Variants in IRAK3 observed in about 807,000 individuals in gnomAD.
The protein encoded by IRAK3 is interleukin-1 receptor-associated kinase 3.
In IRAK3, 57 loss-of-function variants were observed where a neutral mutation model predicts 56.6. The observed-to-expected ratio is 1.01, with a 90% CI of 0.81 to 1.26. The LOEUF (loss-of-function observed/expected upper bound fraction) is 1.26. Ranked by LOEUF, IRAK3 falls within the 50% of genes most tolerant of loss-of-function variation. The pLI is 0.00. For synonymous variants in IRAK3, 258 were observed against 255.7 expected, an observed-to-expected ratio of 1.01 and a Z score of -0.09; for missense variants, 703 against 719.0, an observed-to-expected ratio of 0.98 and a Z score of 0.25.
At chr12:66,223,554 G>A (rs1006782922) in intron 6 of IRAK3, among the ~76,000 whole-genome samples, 3 of 150,810 alleles carry the variant, frequency 2.0e-5, no homozygotes, top group Non-Finnish European at 4.4e-5. Flanking sequence ...AGCTACTCGG[G>A]AGGCTGAGGC....
intron 8 of IRAK3, among the ~76,000 whole-genome samples, chr12:66,235,626 TATTATTA>T (rs1475862825): frequency 4.0e-5 from 6 of 149,360 alleles, no homozygotes; most frequent in Admixed American, 6.6e-5. Flanking sequence ...CGTCCTCCGA[TATTATTA>T]AGTTATGTTT....
intron 6 of IRAK3, among the ~76,000 whole-genome samples, chr12:66,226,502 A>G (rs199924929): frequency 1.4e-4 from 21 of 152,272 alleles, no homozygotes; most frequent in African/African-American, 5.1e-4. Flanking sequence ...TCTGCCTCCC[A>G]CATTGCTGGG....
intron 8 of IRAK3, among the ~76,000 whole-genome samples, chr12:66,230,856 C>T (rs148566137): frequency 3.3e-4 from 50 of 152,288 alleles, no homozygotes; most frequent in Middle Eastern, 3.4e-3. Context: ...TTTCTCTTAG[C>T]TCAGTGTCCC....
chr12:66,229,040 C>T (rs2052817723), intron 8 of IRAK3, among the ~76,000 whole-genome samples: 1 of 152,120 alleles, frequency 6.6e-6, no homozygotes, highest in East Asian at 1.9e-4. Flanking sequence ...TATTTATGTA[C>T]TTTTTTTAAA....
chr12:66,192,755 GGCCATTGTGGTAA>G (rs1200810285), intron 1 of IRAK3, among the ~76,000 whole-genome samples: 1 of 151,944 alleles, frequency 6.6e-6, no homozygotes, highest in Non-Finnish European at 1.5e-5. Flanking sequence ...GCTTACTATT[GGCCATTGTGGTAA>G]GCATTTTACA....
At chr12:66,226,679 C>A in intron 6 of IRAK3, 44 bp from the exon 7 acceptor site, 1 of 1,129,404 alleles carries the variant, frequency 8.9e-7, no homozygotes, top group Non-Finnish European at 1.4e-6. Flanking sequence ...CATTTCCTGT[C>A]TGAATAAGCA....
chr12:66,240,844 G>A (rs12306492), intron 8 of IRAK3, among the ~76,000 whole-genome samples: 6,424 of 147,540 alleles, frequency 0.044, 448 homozygotes, highest in African/African-American at 0.15. Context: ...AAAATATATC[G>A]GTATATATAT....
intron 6 of IRAK3, 89 bp from the exon 7 acceptor site, chr12:66,226,634 A>G (rs2052788934): frequency 2.6e-6 from 2 of 782,220 alleles, no homozygotes; most frequent in South Asian, 2.8e-5. Flanking sequence ...CCTATTCCCC[A>G]TCCCACCTTA....
chr12:66,228,673 G>T (rs1012339932), intron 8 of IRAK3, among the ~76,000 whole-genome samples: 3 of 101,276 alleles, frequency 3.0e-5, no homozygotes, highest in East Asian at 5.0e-4. Flanking sequence ...TCAACAAAAT[G>T]ATTTTTTTTA....
chr12:66,223,397 C>T (rs1565806326), intron 6 of IRAK3, among the ~76,000 whole-genome samples: 1 of 151,890 alleles, frequency 6.6e-6, no homozygotes, highest in Non-Finnish European at 1.5e-5. Flanking sequence ...CGGTGGCTCA[C>T]GCCTGTAATC....
intron 6 of IRAK3, 51 bp from the exon 7 acceptor site, chr12:66,226,672 T>A (rs1187628582): frequency 1.6e-5 from 17 of 1,050,118 alleles, no homozygotes; most frequent in Non-Finnish European, 2.6e-5. Flanking sequence ...TGTTGTTCAT[T>A]TCCTGTCTGA....
At chr12:66,245,070 T>C in intron 10 of IRAK3, 28 bp from the exon 11 acceptor site, 1 of 1,614,052 alleles carries the variant, frequency 6.2e-7, no homozygotes. Context: ...AAGTTCTCTG[T>C]GATAAAATTG....
At chr12:66,220,560 G>T (rs1182919) in intron 6 of IRAK3, among the ~76,000 whole-genome samples, 1 of 111,704 alleles carries the variant, frequency 9.0e-6, no homozygotes, top group East Asian at 2.5e-4. Flanking sequence ...TCGCTCTGTC[G>T]CCCAGGCTGG....
chr12:66,228,546 A>G (rs1036518461), intron 8 of IRAK3, among the ~76,000 whole-genome samples, 176 bp downstream of exon 8: 4 of 152,206 alleles, frequency 2.6e-5, no homozygotes, highest in African/African-American at 9.6e-5. Flanking sequence ...GTGTCTACCA[A>G]ATTTAAAAAG....
At position 66,189,274 on chromosome 12, in the gene IRAK3, G is replaced by C. The variant is rs1428247421; in HGVS notation, c.-26G>C. The C allele has an allele frequency of 3.3e-6, 5 of 1,534,760 alleles. No homozygotes were observed. In the Admixed American group the frequency reaches 9.8e-5, roughly 30 times the overall value. On this transcript the variant is annotated 5_prime_UTR_variant, in exon 1 of 12. Transcript: ENST00000261233. The stretch of plus-strand genomic sequence containing the variant: ...CGTGCAGGGACCTGGACTCCGCCTC[G>C]TCCCCGGGGCTCGGGCAGCCGAGCC...
intron 1 of IRAK3, among the ~76,000 whole-genome samples, chr12:66,199,692 G>A (rs1031169805): frequency 7.9e-5 from 12 of 152,060 alleles, no homozygotes; most frequent in African/African-American, 2.9e-4. Flanking sequence ...CTGGCATATA[G>A]CAGATACTCA....
Position 66,198,200 on chromosome 12 carries a change from GAAGTT to G in IRAK3, c.134-5505_134-5501del, listed in dbSNP as rs1327929900. 4.3e-6 allele frequency: 3 copies of G among 698,062 alleles called. No homozygotes were observed. The African/African-American group carries it at 5.8e-5, about 14-fold the overall frequency. The allele number at this position is 698,062 out of a possible 1,614,324, so 43.2% of individuals were successfully genotyped here. ...GAATTGGTCCCATTGCTTTCAGAAT[GAAGTT>G]AAGTTCATATGCTAACACTCAGGGC... On this transcript the variant is annotated intron_variant, in intron 1 of 11. Coordinates refer to ENST00000261233, the MANE Select transcript of IRAK3 (RefSeq NM_007199.3).
intron 8 of IRAK3, among the ~76,000 whole-genome samples, chr12:66,240,868 G>A (rs984752653): frequency 6.7e-6 from 1 of 148,736 alleles, no homozygotes; most frequent in South Asian, 2.1e-4. Context: ...ATATATGTGG[G>A]TATATATATC....
intron 8 of IRAK3, among the ~76,000 whole-genome samples, chr12:66,235,593 G>A (rs901435593): frequency 8.6e-5 from 13 of 151,938 alleles, no homozygotes; most frequent in African/African-American, 3.1e-4. Context: ...TCTCCCGGCG[G>A]CAGCGGAGGA....
Sources: gnomAD v4.1 joint callset for allele counts (sites outside exome capture counted in the v4.1 genomes callset) on GRCh38, gnomAD v4.1.1 for gene constraint, MANE v1.5 for transcripts, NCBI Gene and HGNC (gene_info 2026-07-23, HGNC 2026-07-21) for gene names.